The following TAB3 variants were observed in gnomAD, a reference collection of about 807,000 sequenced individuals.
TAB3 encodes TGF-beta-activated kinase 1 and MAP3K7-binding protein 3.
A neutral mutation model predicts 48.1 loss-of-function variants in TAB3; 18 were observed. The ratio of observed to expected loss-of-function variants is 0.37; its 90% CI spans 0.26 to 0.55. TAB3 has a LOEUF of 0.55. Ranked by LOEUF, TAB3 falls within the 20% of genes least tolerant of loss-of-function variation. The probability of loss-of-function intolerance (pLI) is 0.78; values close to 1 mark genes in which losing one functional copy is unlikely to be tolerated. For missense variants in TAB3, 414 were observed against 549.8 expected (o/e 0.75, Z 2.47); for synonymous variants, 185 against 190.2 (o/e 0.97, Z 0.22).
chrX:30,831,511 A>G lies in TAB3; in HGVS notation c.2055T>C (p.Ala685=), dbSNP rs1341104716. 12 of 1,208,596 alleles carry G rather than the reference A, an allele frequency of 9.9e-6. No homozygotes were observed. The highest frequency in any genetic ancestry group is 1.2e-5 in the Non-Finnish European group (11 of 894,846). ...TQPRDEDYEG[A]PWNCDSCTFL... ...AGGTGCAGCTATCACAATTCCATGG[A>G]GCCCCTTCGTAGTCTTCATCTCGAG... Residue 685 remains alanine (A), a synonymous_variant, in exon 11 of 11, where the codon GCT becomes GCC. Transcript: ENST00000288422.
At position 30,830,919 on chromosome X, in the gene TAB3, C is replaced by CCCG. The variant is rs1555933059; in HGVS notation, c.*507_*508insCGG. 4 of 81,496 alleles carry CCCG rather than the reference C, an allele frequency of 4.9e-5. No individual in the cohort carries two copies. The highest frequency in any genetic ancestry group is 1.4e-4 in the Admixed American group (1 of 7,157). 6.7% of individuals were successfully genotyped at this position (81,496 alleles called of 1,213,427 possible). ...AATACCCTTAATTAATTTGCCCCCC[C>CCCG]CCCCCAAATATTCTAGGTGCTTTTT... On this transcript the variant is annotated 3_prime_UTR_variant, in exon 11 of 11. Transcript: ENST00000288422.
At chrX:30,888,116 C>G (rs1228268416) in intron 1 of TAB3, among the ~76,000 whole-genome samples, 1 of 112,672 alleles carries the variant, frequency 8.9e-6, no homozygotes, top group African/African-American at 3.2e-5. Context: ...TTCTTGTATA[C>G]TACTGCAAAT....
At chrX:30,870,187 C>T (rs1396731741) in intron 2 of TAB3, among the ~76,000 whole-genome samples, 1 of 112,262 alleles carries the variant, frequency 8.9e-6, no homozygotes, top group East Asian at 2.8e-4. Context: ...TGATTTCTCT[C>T]AAGTGCAGCC....
rs1323200349 is a variant in TAB3, at chrX:30,831,314, C to T, written c.*113G>A. 21 of 899,712 alleles carry T rather than the reference C, an allele frequency of 2.3e-5. No individual in the cohort carries two copies. Among genetic ancestry groups the T allele is most frequent in the Middle Eastern group, 4.1e-4 (1 of 2,454 alleles). The allele number at this position is 899,712 out of a possible 1,213,427, so 74.1% of individuals were successfully genotyped here. ...CGACCACAAAGCCATTCCTCCTCCC[C>T]GCTGTGCAATCGAAAATGAAAAGGC... On this transcript the variant is annotated 3_prime_UTR_variant, in exon 11 of 11. Coordinates refer to ENST00000288422, the MANE Select transcript of TAB3 (RefSeq NM_152787.5).
intron 7 of TAB3, among the ~76,000 whole-genome samples, chrX:30,848,429 C>T (rs1601810779): frequency 1.8e-5 from 2 of 111,208 alleles, no homozygotes; most frequent in South Asian, 3.8e-4. Context: ...GGCTGAGGCA[C>T]GAGAATTGCT....
intron 7 of TAB3, among the ~76,000 whole-genome samples, chrX:30,850,570 G>C: frequency 9.2e-6 from 1 of 109,262 alleles, no homozygotes; most frequent in Non-Finnish European, 1.9e-5. Context: ...AAATTAGCCA[G>C]GCGTGGTGGC....
rs1234537903 is a variant in TAB3, at chrX:30,829,448, C to A, written c.*1979G>T. 1 of 111,681 alleles carries A rather than the reference C, an allele frequency of 9.0e-6. No individual in the cohort carries two copies. Among genetic ancestry groups the A allele is most frequent in the Non-Finnish European group, 1.9e-5 (1 of 53,086 alleles). The allele number at this position is 111,681 out of a possible 1,213,427, so 9.2% of individuals were successfully genotyped here. A position where few individuals can be genotyped will look rare whatever the true frequency, so the allele number is the denominator to read the frequency against. ...TGACCATCACTAAAGAGATATGAAA[C>A]CATACAAAGGCAAAGGCATATTACA... On this transcript the variant is annotated 3_prime_UTR_variant, in exon 11 of 11. Transcript: ENST00000288422.
chrX:30,832,174 A>C (rs1938049566), intron 10 of TAB3, among the ~76,000 whole-genome samples: 1 of 112,421 alleles, frequency 8.9e-6, no homozygotes, highest in African/African-American at 3.2e-5. Flanking sequence ...TCAGTATAAA[A>C]GACTTTTATT....
rs747452248 is a variant in TAB3, at chrX:30,829,548, G to A, written c.*1879C>T. 1 of 111,613 alleles carries A rather than the reference G, an allele frequency of 9.0e-6. No homozygotes were observed. The highest frequency in any genetic ancestry group is 1.9e-5 in the Non-Finnish European group (1 of 53,071). 9.2% of individuals were successfully genotyped at this position (111,613 alleles called of 1,213,427 possible). On this transcript the variant is annotated 3_prime_UTR_variant, in exon 11 of 11. Transcript: ENST00000288422. ...AAAACCTTTGAAGAACGTTGTTTTG[G>A]GGACCATGCTTTTAAGCCCATCTGC...
rs1223557067 is a variant in TAB3 at position 30,868,316 on chromosome X, TTATATATA to T, written c.-279-775_-279-768del. ...GTGAAAAGCTATATATATATATAGC[TTATATATA>T]TATATATATAAGCTTTTATATATAT... On this transcript the variant is annotated intron_variant, in intron 2 of 10. Transcript: ENST00000288422. 1.4e-3 allele frequency among the ~76,000 whole-genome samples: 2 copies of T among 1,471 alleles called. 1 individual carries two copies. The highest frequency in any genetic ancestry group is 2.5e-3 in the Non-Finnish European group (2 of 806). 1.3% of individuals were successfully genotyped at this position (1,471 alleles called of 115,157 possible).
chrX:30,888,470 C>T (rs1234559576), intron 1 of TAB3, among the ~76,000 whole-genome samples: 1 of 112,534 alleles, frequency 8.9e-6, no homozygotes, highest in Non-Finnish European at 1.9e-5. Context: ...GTCCCTCACC[C>T]TTCAAATCCT....
At chrX:30,872,171 A>C (rs769381094) in intron 1 of TAB3, among the ~76,000 whole-genome samples, 40 of 111,902 alleles carry the variant, frequency 3.6e-4, no homozygotes, top group African/African-American at 1.3e-3. Context: ...TAGTCATTAA[A>C]ATTTAATGAA....
intron 2 of TAB3, among the ~76,000 whole-genome samples, chrX:30,868,623 T>G (rs1285506621): frequency 5.5e-5 from 3 of 54,823 alleles, no homozygotes; most frequent in African/African-American, 2.1e-4. Context: ...AGAGAGCGCG[T>G]GGGGGGGAGA....
At position 30,831,310 on chromosome X, in the gene TAB3, T is replaced by C. The variant is rs1938025598; in HGVS notation, c.*117A>G. 1.1e-6 allele frequency: 1 copy of C among 882,869 alleles called. No homozygotes were observed. Among genetic ancestry groups the C allele is most frequent in the East Asian group, 3.5e-5 (1 of 28,649 alleles). The allele number at this position is 882,869 out of a possible 1,213,427, so 72.8% of individuals were successfully genotyped here. A position where few individuals can be genotyped will look rare whatever the true frequency, so the allele number is the denominator to read the frequency against. On this transcript the variant is annotated 3_prime_UTR_variant, in exon 11 of 11. Transcript: ENST00000288422. ...ACGACGACCACAAAGCCATTCCTCC[T>C]CCCCGCTGTGCAATCGAAAATGAAA...
intron 7 of TAB3, among the ~76,000 whole-genome samples, chrX:30,847,531 G>A (rs944573343): frequency 1.1e-4 from 12 of 107,233 alleles, no homozygotes; most frequent in African/African-American, 3.4e-4. Context: ...TATATGTATA[G>A]TAAAAAAGTC....
intron 7 of TAB3, among the ~76,000 whole-genome samples, chrX:30,846,847 T>C (rs185236138): frequency 8.9e-6 from 1 of 112,119 alleles, no homozygotes; most frequent in African/African-American, 3.2e-5. Context: ...AATGGCCACA[T>C]ATAAACAAAA....
chrX:30,859,534 G>A lies in TAB3; in HGVS notation c.55C>T (p.Arg19Cys), dbSNP rs1322131409. 4 of 1,210,529 alleles carry A rather than the reference G, an allele frequency of 3.3e-6. No homozygotes were observed. The highest frequency in any genetic ancestry group is 4.5e-6 in the Non-Finnish European group (4 of 894,946). Residue 19 changes from arginine to cysteine, a missense_variant, in exon 5 of 11, where the codon CGT becomes TGT. Coordinates refer to ENST00000288422, the MANE Select transcript of TAB3 (RefSeq NM_152787.5). ...DIQVLHDLRQ[R>C]FPEIPEGVVS... ...ACGCCCTCTGGAATTTCAGGGAAAC[G>A]TTGTCGAAGATCATGGAGAACCTGA...
intron 9 of TAB3, among the ~76,000 whole-genome samples, chrX:30,837,657 T>C (rs778626270): frequency 1.8e-5 from 2 of 112,648 alleles, no homozygotes; most frequent in East Asian, 5.6e-4. Context: ...ATTTTCTTAA[T>C]AGTGTCACTT....
At chrX:30,853,471 G>T (rs1267264442) in intron 6 of TAB3, among the ~76,000 whole-genome samples, 1 of 112,044 alleles carries the variant, frequency 8.9e-6, no homozygotes, top group Non-Finnish European at 1.9e-5. Context: ...CTTTAGAAAA[G>T]ATTCAAATTC....
Sources: gnomAD v4.1 joint callset for allele counts (sites outside exome capture counted in the v4.1 genomes callset) on GRCh38, gnomAD v4.1.1 for gene constraint, MANE v1.5 for transcripts, NCBI Gene and HGNC (gene_info 2026-07-23, HGNC 2026-07-21) for gene names.